Variants in PCCA observed in about 807,000 individuals in gnomAD.
PCCA encodes propionyl-CoA carboxylase alpha chain, mitochondrial.
A neutral mutation model predicts 101.3 loss-of-function variants in PCCA; 74 were observed. The observed-to-expected ratio is 0.73, with a 90% CI of 0.61 to 0.89. The LOEUF (loss-of-function observed/expected upper bound fraction) is 0.89, where lower values mean the gene tolerates loss of function less well. PCCA is among the 40% of genes least tolerant of loss of function. The pLI, the probability that PCCA is intolerant of heterozygous loss-of-function variation, is 0.00. For missense variants in PCCA, 891 were observed against 907.0 expected (o/e 0.98, Z 0.23); for synonymous variants, 294 against 313.6 (o/e 0.94, Z 0.66).
At chr13:100,183,219 A>G (rs1423508892) in intron 6 of PCCA, among the ~76,000 whole-genome samples, 4 of 152,062 alleles carry the variant, frequency 2.6e-5, no homozygotes, top group African/African-American at 9.7e-5. Context: ...CTCCCCAAGA[A>G]TTTATTCCTA....
At chr13:100,268,861 T>G in intron 11 of PCCA, 78 bp downstream of exon 11, 1 of 1,011,760 alleles carries the variant, frequency 9.9e-7, no homozygotes, top group Non-Finnish European at 1.6e-6. Flanking sequence ...CATCATTCAC[T>G]GACGCATGCA....
intron 19 of PCCA, among the ~76,000 whole-genome samples, chr13:100,422,432 C>G (rs1040452148): frequency 6.6e-6 from 1 of 152,178 alleles, no homozygotes; most frequent in Non-Finnish European, 1.5e-5. Context: ...GCCACCATGC[C>G]TGGCCATAAT....
chr13:100,201,567 C>T (rs1395421172), intron 6 of PCCA, among the ~76,000 whole-genome samples: 3 of 151,974 alleles, frequency 2.0e-5, no homozygotes, highest in African/African-American at 7.2e-5. Flanking sequence ...TGTACAAAAA[C>T]AGGCAGTGAG....
chr13:100,164,092 A>C (rs2054787754), intron 6 of PCCA, among the ~76,000 whole-genome samples: 1 of 152,202 alleles, frequency 6.6e-6, no homozygotes, highest in African/African-American at 2.4e-5. Flanking sequence ...AAAATGTTAT[A>C]ATTTTGTTAT....
At position 100,214,048 on chromosome 13, in the gene PCCA, G is replaced by T. The variant is rs1483144470; in HGVS notation, c.600+4585G>T. Among the ~76,000 whole-genome samples the T allele has an allele frequency of 2.0e-5, 3 of 152,148 alleles. No individual in the cohort carries two copies. The East Asian group carries it at 5.8e-4, about 29-fold the overall frequency. On this transcript the variant is annotated intron_variant, in intron 7 of 23. Transcript: ENST00000376285. ...CAAGTGAATTCACTATAGATATATG[G>T]ATTTATTTCTGGGTTCTCTATTCTG...
rs113340123 is a variant in PCCA at position 100,338,521 on chromosome 13, T to C, written c.1541-1636T>C. Among the ~76,000 whole-genome samples the C allele has an allele frequency of 2.5e-3, 384 of 152,222 alleles. 4 individuals carry two copies. The South Asian group carries it at 0.028, about 11-fold the overall frequency. On this transcript the variant is annotated intron_variant, in intron 17 of 23. Coordinates refer to ENST00000376285, the MANE Select transcript of PCCA (RefSeq NM_000282.4). ...GGGACTCCCAGTTGTTGGCAGGTCATGCTATGAGAACTGTTCTTCTCAACT... is the reference window on the plus strand; with the variant it reads ...GGGACTCCCAGTTGTTGGCAGGTCACGCTATGAGAACTGTTCTTCTCAACT...
chr13:100,192,844 T>C (rs1481973191), intron 6 of PCCA, among the ~76,000 whole-genome samples: 3 of 152,232 alleles, frequency 2.0e-5, no homozygotes, highest in African/African-American at 7.2e-5. Context: ...TTGATTCCCT[T>C]GTTGGACTCT....
intron 6 of PCCA, among the ~76,000 whole-genome samples, chr13:100,171,363 T>C (rs1202751192): frequency 2.0e-5 from 3 of 152,104 alleles, no homozygotes; most frequent in African/African-American, 7.3e-5. Context: ...GGCACTGTCC[T>C]GAAAGGTGAC....
rs1476883790 is a variant in PCCA at position 100,449,264 on chromosome 13, GA to G, written c.1860del (p.Ala621GlnfsTer5). ...TQRTVQCLSR[E>X]AGGNMSIQFL... ...GTTTGTTTTTTAGTGTCTTTCTCGA[GA>G]AGCAGGTGGAAACATGAGCATTCAG... On this transcript the variant is annotated frameshift_variant, in exon 21 of 24. Coordinates refer to ENST00000376285, the MANE Select transcript of PCCA (RefSeq NM_000282.4). LOFTEE classifies it high-confidence loss of function. 1.3e-6 allele frequency: 2 copies of G among 1,539,638 alleles called. No homozygotes were observed. Among genetic ancestry groups the G allele is most frequent in the Non-Finnish European group, 1.8e-6 (2 of 1,136,420 alleles).
At chr13:100,095,357 A>G (rs149132042) in intron 1 of PCCA, among the ~76,000 whole-genome samples, 1 of 152,324 alleles carries the variant, frequency 6.6e-6, no homozygotes, top group Non-Finnish European at 1.5e-5. Context: ...ACCTACACGT[A>G]GTATGTGTCA....
chr13:100,125,422 T>G (rs995884867), intron 4 of PCCA, among the ~76,000 whole-genome samples: 1 of 152,160 alleles, frequency 6.6e-6, no homozygotes, highest in African/African-American at 2.4e-5. Context: ...CTCTGGAGAG[T>G]GACTGCAGTA....
At chr13:100,274,322 T>C (rs1195686164) in intron 12 of PCCA, among the ~76,000 whole-genome samples, 1 of 152,210 alleles carries the variant, frequency 6.6e-6, no homozygotes, top group Non-Finnish European at 1.5e-5. Context: ...TTTGTGCTAT[T>C]TCATGGAACT....
chr13:100,146,143 G>C (rs2052528524), intron 4 of PCCA, among the ~76,000 whole-genome samples: 1 of 151,246 alleles, frequency 6.6e-6, no homozygotes, highest in Non-Finnish European at 1.5e-5. Flanking sequence ...GTTTTGCCAT[G>C]CTGGCCAGGC....
chr13:100,295,348 A>G (rs1222246166), intron 12 of PCCA, among the ~76,000 whole-genome samples: 1 of 152,194 alleles, frequency 6.6e-6, no homozygotes, highest in African/African-American at 2.4e-5. Flanking sequence ...GTTTCCTCAT[A>G]TTTCAGTGGG....
chr13:100,515,356 A>G lies in PCCA; in HGVS notation c.1900-71A>G, dbSNP rs113686694. ...GAATTTAAAAGCTAAAAATTGATTT[A>G]GAATGAATGCTACTTTTGAGGAAAA... On this transcript the variant is annotated intron_variant, in intron 21 of 23. Transcript: ENST00000376285. 684 of 1,397,656 alleles carry G rather than the reference A, an allele frequency of 4.9e-4. 3 individuals carry two copies. In the African/African-American group the frequency reaches 8.6e-3, roughly 17 times the overall value. 86.6% of individuals were successfully genotyped at this position (1,397,656 alleles called of 1,614,324 possible).
Position 100,222,776 on chromosome 13 carries a change from T to C in PCCA, c.601-13066T>C, listed in dbSNP as rs567271136. Reference sequence around the variant, plus strand: ...CTTGATAACTATATTCTATTTTTTTTCCCCAAGTAGTTTCCACCAGTTATG... The same window carrying C: ...CTTGATAACTATATTCTATTTTTTTCCCCCAAGTAGTTTCCACCAGTTATG... On this transcript the variant is annotated intron_variant, in intron 7 of 23. Coordinates refer to ENST00000376285, the MANE Select transcript of PCCA (RefSeq NM_000282.4). Among the ~76,000 whole-genome samples, 47 of 152,328 alleles carry C rather than the reference T, an allele frequency of 3.1e-4. No homozygotes were observed. In the South Asian group the frequency reaches 8.9e-3, roughly 29 times the overall value.
intron 6 of PCCA, among the ~76,000 whole-genome samples, chr13:100,195,642 A>G (rs889746360): frequency 6.6e-6 from 1 of 152,196 alleles, no homozygotes; most frequent in Non-Finnish European, 1.5e-5. Flanking sequence ...AAGGTTTTAC[A>G]TGATAAAGGA....
intron 6 of PCCA, among the ~76,000 whole-genome samples, chr13:100,183,013 A>G (rs573138348): frequency 6.6e-6 from 1 of 152,282 alleles, no homozygotes; most frequent in African/African-American, 2.4e-5. Flanking sequence ...TGATAATTGC[A>G]GCAATCAAAG....
chr13:100,427,809 A>G (rs1272284319), intron 20 of PCCA, among the ~76,000 whole-genome samples: 1 of 152,100 alleles, frequency 6.6e-6, no homozygotes, highest in Non-Finnish European at 1.5e-5. Flanking sequence ...AGGCATTAGC[A>G]TTATATCGAC....
Sources: allele counts gnomAD v4.1 joint callset (sites outside exome capture counted in the v4.1 genomes callset), GRCh38; gene constraint gnomAD v4.1.1; transcripts MANE v1.5; gene names NCBI Gene and HGNC (gene_info 2026-07-23, HGNC 2026-07-21).